ZHX2: variants seen among roughly 807,000 people sequenced by gnomAD.
The protein encoded by ZHX2 is zinc fingers and homeoboxes 2.
ZHX2 carries 6 observed loss-of-function variants against 21.9 expected under a neutral mutation model. The ratio of observed to expected loss-of-function variants is 0.27; its 90% CI spans 0.15 to 0.54. The LOEUF (loss-of-function observed/expected upper bound fraction) is 0.54, where lower values mean the gene tolerates loss of function less well. ZHX2 is among the 20% of genes least tolerant of loss of function. The pLI is 0.95. For missense variants in ZHX2, 908 were observed against 1,090.7 expected, an observed-to-expected ratio of 0.83 and a Z score of 2.36; for synonymous variants, 434 against 437.1, an observed-to-expected ratio of 0.99 and a Z score of 0.09.
At chr8:122,908,137 T>C (rs979641218) in intron 2 of ZHX2, among the ~76,000 whole-genome samples, 5 of 152,162 alleles carry the variant, frequency 3.3e-5, no homozygotes, top group African/African-American at 1.2e-4. Context: ...CTCACAAGGC[T>C]GTTGTGAGCA....
At chr8:122,823,051 TGTTAGTAACCCTCTCAG>T (rs1818189586) in intron 1 of ZHX2, among the ~76,000 whole-genome samples, 1 of 152,166 alleles carries the variant, frequency 6.6e-6, no homozygotes, top group Non-Finnish European at 1.5e-5. Flanking sequence ...TTGGGGAGAA[TGTTAGTAACCCTCTCAG>T]GATGTGTCCT....
intron 2 of ZHX2, among the ~76,000 whole-genome samples, chr8:122,869,903 A>G (rs902991741): frequency 1.3e-5 from 2 of 152,208 alleles, no homozygotes; most frequent in Non-Finnish European, 2.9e-5. Context: ...TGCTTGGGGT[A>G]GTGTCCACCA....
At chr8:122,943,519 G>A (rs766983847) in intron 2 of ZHX2, among the ~76,000 whole-genome samples, 4 of 152,186 alleles carry the variant, frequency 2.6e-5, no homozygotes, top group Non-Finnish European at 4.4e-5. Flanking sequence ...TGTCATTATT[G>A]TTGGGGAATT....
intron 1 of ZHX2, among the ~76,000 whole-genome samples, chr8:122,831,171 T>G (rs1373582857): frequency 6.6e-6 from 1 of 152,160 alleles, no homozygotes; most frequent in Non-Finnish European, 1.5e-5. Context: ...CTGGAGAAAG[T>G]ACAGACAAAG....
chr8:122,840,919 C>T (rs1818609414), intron 1 of ZHX2, among the ~76,000 whole-genome samples: 1 of 152,196 alleles, frequency 6.6e-6, no homozygotes, highest in Admixed American at 6.5e-5. Context: ...CCCGAATCTC[C>T]TGTTCACCTG....
chr8:122,882,716 T>C (rs1819741904), intron 2 of ZHX2, among the ~76,000 whole-genome samples: 1 of 152,308 alleles, frequency 6.6e-6, no homozygotes, highest in South Asian at 2.1e-4. Context: ...GCACAGTGGC[T>C]CATGCCTGTA....
chr8:122,905,030 G>C (rs1297305124), intron 2 of ZHX2, among the ~76,000 whole-genome samples: 1 of 152,220 alleles, frequency 6.6e-6, no homozygotes, highest in Non-Finnish European at 1.5e-5. Context: ...CAACATCAGA[G>C]CCAGTGGGCC....
chr8:122,825,020 T>C (rs1006945447), intron 1 of ZHX2, among the ~76,000 whole-genome samples: 2 of 152,202 alleles, frequency 1.3e-5, no homozygotes, highest in Non-Finnish European at 1.5e-5. Context: ...ATAAAGACCC[T>C]TGTGATCACA....
chr8:122,793,516 A>G (rs1464671167), intron 1 of ZHX2, among the ~76,000 whole-genome samples: 3 of 152,198 alleles, frequency 2.0e-5, no homozygotes, highest in African/African-American at 7.2e-5. Context: ...GCTGGATGAT[A>G]CTTGGGGCAG....
At chr8:122,815,836 C>A (rs942970728) in intron 1 of ZHX2, 1 of 152,160 alleles carries the variant, frequency 6.6e-6, no homozygotes, top group Non-Finnish European at 1.5e-5. Flanking sequence ...GCCCTGTAAT[C>A]CCAGCGCTTC....
At chr8:122,903,494 A>G (rs891892742) in intron 2 of ZHX2, among the ~76,000 whole-genome samples, 1 of 152,232 alleles carries the variant, frequency 6.6e-6, no homozygotes, top group South Asian at 2.1e-4. Flanking sequence ...GAACGTGGGC[A>G]TTGAGAAATG....
intron 2 of ZHX2, among the ~76,000 whole-genome samples, chr8:122,911,049 C>T (rs1820468295): frequency 6.6e-6 from 1 of 152,166 alleles, no homozygotes; most frequent in African/African-American, 2.4e-5. Context: ...GTAATACACC[C>T]TGCATAGTGA....
intron 1 of ZHX2, among the ~76,000 whole-genome samples, chr8:122,840,516 T>A (rs1475672544): frequency 6.6e-6 from 1 of 152,226 alleles, no homozygotes; most frequent in African/African-American, 2.4e-5. Flanking sequence ...TGTCATTACA[T>A]TGCATAGAAA....
intron 1 of ZHX2, among the ~76,000 whole-genome samples, chr8:122,795,693 AC>A (rs1817601343): frequency 6.6e-6 from 1 of 151,862 alleles, no homozygotes; most frequent in East Asian, 1.9e-4. Flanking sequence ...AATCCCAACT[AC>A]CCCCATTGGT....
At chr8:122,823,941 A>T (rs1818208040) in intron 1 of ZHX2, among the ~76,000 whole-genome samples, 2 of 152,208 alleles carry the variant, frequency 1.3e-5, no homozygotes. Context: ...TGAAGACTGT[A>T]TCCCTGGCAC....
rs901655481 is a variant in ZHX2 at position 122,782,128 on chromosome 8, G to C, written c.-283+182G>C. Among the ~76,000 whole-genome samples, 5 of 145,588 alleles carry C rather than the reference G, an allele frequency of 3.4e-5. No individual in the cohort carries two copies. Among genetic ancestry groups the C allele is most frequent in the South Asian group, 5.1e-4 (2 of 3,892 alleles). Reference sequence around the variant, plus strand: ...GTGATTGGAAGGGGGGTACGGAAGGGGGGGGGTGTGCAGGCTCTTTTTGCG... The same window carrying C: ...GTGATTGGAAGGGGGGTACGGAAGGCGGGGGGTGTGCAGGCTCTTTTTGCG... On this transcript the variant is annotated intron_variant, in intron 1 of 3. Transcript: ENST00000314393. This position sits in a 1 kb window ranked among gnomAD's most constrained non-coding sequence, Gnocchi z 5.3.
intron 1 of ZHX2, among the ~76,000 whole-genome samples, chr8:122,826,219 T>G (rs1273812963): frequency 6.6e-6 from 1 of 152,220 alleles, no homozygotes; most frequent in African/African-American, 2.4e-5. Context: ...TATTTTGCAT[T>G]TAAAAAGGGC....
At position 122,916,380 on chromosome 8, in the gene ZHX2, C is replaced by T. The variant is rs570226003; in HGVS notation, c.-219-34912C>T. Among the ~76,000 whole-genome samples the T allele has an allele frequency of 2.0e-4, 30 of 152,334 alleles. No individual in the cohort carries two copies. In the South Asian group the frequency reaches 3.5e-3, roughly 18 times the overall value. On this transcript the variant is annotated intron_variant, in intron 2 of 3. Coordinates refer to ENST00000314393, the MANE Select transcript of ZHX2 (RefSeq NM_014943.5). ...GGTTAAGAGGGGCCCTTCCCCTTGG[C>T]GCCTGGAGGAAGTTGCATTGCATCC...
chr8:122,827,217 CT>C (rs1312098727), intron 1 of ZHX2, among the ~76,000 whole-genome samples: 1 of 152,042 alleles, frequency 6.6e-6, no homozygotes. Context: ...GTTTTCTCCC[CT>C]GTAGAAACAG....
Sources: allele counts gnomAD v4.1 joint callset (sites outside exome capture counted in the v4.1 genomes callset), GRCh38; gene constraint gnomAD v4.1.1; non-coding constraint Gnocchi (gnomAD v3.1); transcripts MANE v1.5; gene names NCBI Gene and HGNC (gene_info 2026-07-23, HGNC 2026-07-21).